Variants in RABGAP1L observed in about 807,000 individuals in gnomAD.
RABGAP1L encodes RAB GTPase activating protein 1 like.
A neutral mutation model predicts 137.7 loss-of-function variants in RABGAP1L; 63 were observed. That is an observed-to-expected ratio of 0.46 (90% CI 0.37 to 0.56). The LOEUF (loss-of-function observed/expected upper bound fraction) is 0.56, where lower values mean the gene tolerates loss of function less well. Among genes scored for constraint, RABGAP1L ranks in the 20% least tolerant of loss-of-function variants. RABGAP1L has a pLI of 0.00. For missense variants in RABGAP1L, 1,095 were observed against 1,244.0 expected, an observed-to-expected ratio of 0.88 and a Z score of 1.80; for synonymous variants, 431 against 433.7, an observed-to-expected ratio of 0.99 and a Z score of 0.08.
At chr1:174,872,186 T>A (rs1487627763) in intron 19 of RABGAP1L, among the ~76,000 whole-genome samples, 11 of 152,022 alleles carry the variant, frequency 7.2e-5, no homozygotes, top group Admixed American at 3.3e-4. Context: ...TTTCTGAGGT[T>A]TTGAATTTTC....
At chr1:174,655,615 AAT>A (rs1675909834) in intron 14 of RABGAP1L, among the ~76,000 whole-genome samples, 1 of 152,212 alleles carries the variant, frequency 6.6e-6, no homozygotes, top group Non-Finnish European at 1.5e-5. Flanking sequence ...TCCCCATTGT[AAT>A]TAATAGGTAT....
intron 21 of RABGAP1L, among the ~76,000 whole-genome samples, chr1:174,973,510 GA>G (rs1243748986): frequency 6.6e-6 from 1 of 150,736 alleles, no homozygotes; most frequent in African/African-American, 2.4e-5. Context: ...TCTGTCTCCT[GA>G]GTAGCTGGAA....
At chr1:174,637,137 C>T (rs555803717) in intron 13 of RABGAP1L, among the ~76,000 whole-genome samples, 2 of 151,938 alleles carry the variant, frequency 1.3e-5, no homozygotes, top group Non-Finnish European at 2.9e-5. Flanking sequence ...GCCCCTTCTC[C>T]CCATATAAAC....
intron 13 of RABGAP1L, among the ~76,000 whole-genome samples, chr1:174,430,804 A>G (rs1333345371): frequency 6.6e-6 from 1 of 152,202 alleles, no homozygotes; most frequent in East Asian, 1.9e-4. Flanking sequence ...TAAACTCATG[A>G]TTAAGATTTT....
At chr1:174,653,138 G>A (rs938698508) in intron 14 of RABGAP1L, among the ~76,000 whole-genome samples, 10 of 152,106 alleles carry the variant, frequency 6.6e-5, no homozygotes, top group African/African-American at 1.9e-4. Context: ...AATGGTGGAC[G>A]CCCCTCCCCC....
At chr1:174,174,022 C>T (rs1331159855) in intron 1 of RABGAP1L, among the ~76,000 whole-genome samples, 3 of 152,034 alleles carry the variant, frequency 2.0e-5, no homozygotes, top group African/African-American at 7.3e-5. Flanking sequence ...AAATAAAGCT[C>T]TTTAGGCTGT....
intron 18 of RABGAP1L, among the ~76,000 whole-genome samples, chr1:174,797,973 A>G (rs907811818): frequency 4.6e-5 from 7 of 151,814 alleles, no homozygotes; most frequent in East Asian, 1.9e-4. Flanking sequence ...GGGTTCCACT[A>G]TGTTGCCCAG....
At chr1:174,721,447 G>T (rs1424566782) in intron 17 of RABGAP1L, among the ~76,000 whole-genome samples, 2 of 152,144 alleles carry the variant, frequency 1.3e-5, no homozygotes, top group Non-Finnish European at 2.9e-5. Context: ...GAAAACCTTG[G>T]TGTGTTGATT....
intron 13 of RABGAP1L, among the ~76,000 whole-genome samples, chr1:174,570,945 T>C (rs1002387456): frequency 6.6e-6 from 1 of 152,118 alleles, no homozygotes; most frequent in African/African-American, 2.4e-5. Context: ...AGGAAATGAG[T>C]ATATGGAAGA....
At chr1:174,682,271 A>ACTCTCTCT (rs148219630) in intron 14 of RABGAP1L, among the ~76,000 whole-genome samples, 1 of 140,690 alleles carries the variant, frequency 7.1e-6, no homozygotes, top group Non-Finnish European at 1.5e-5. Flanking sequence ...ACAAAGCAAA[A>ACTCTCTCT]CTCTCTCTCT....
chr1:174,448,209 A>T lies in RABGAP1L; in HGVS notation c.1710+54064A>T, dbSNP rs1415815619. 7.4e-6 allele frequency: 12 copies of T among 1,614,022 alleles called. No individual in the cohort carries two copies. Among genetic ancestry groups the T allele is most frequent in the Non-Finnish European group, 1.0e-5 (12 of 1,179,946 alleles). ...CACTCCTGCCCACTTGGATTTGGCC[A>T]CTACAGTGTGGTGGATGTCTGCATC... On this transcript the variant is annotated intron_variant, in intron 13 of 25. Transcript: ENST00000681986. The surrounding 1 kb of genome is among the most constrained non-coding windows in gnomAD (Gnocchi z 4.2).
intron 19 of RABGAP1L, among the ~76,000 whole-genome samples, chr1:174,940,506 G>C (rs1389003623): frequency 6.6e-6 from 1 of 151,832 alleles, no homozygotes; most frequent in Non-Finnish European, 1.5e-5. Flanking sequence ...TTGAACTCTT[G>C]AGCTCAAGTG....
chr1:174,312,323 T>C (rs1335169673), intron 11 of RABGAP1L, among the ~76,000 whole-genome samples: 1 of 152,240 alleles, frequency 6.6e-6, no homozygotes, highest in Non-Finnish European at 1.5e-5. Context: ...AGTTTTGATT[T>C]GCATTTCCCT....
chr1:174,161,188 CAT>C (rs1336711234), intron 1 of RABGAP1L, among the ~76,000 whole-genome samples: 5 of 151,160 alleles, frequency 3.3e-5, no homozygotes, highest in Admixed American at 6.6e-5. Context: ...TATATTTTAA[CAT>C]ATTATGTAGC....
At chr1:174,723,357 G>A (rs1022139670) in intron 17 of RABGAP1L, among the ~76,000 whole-genome samples, 1 of 152,192 alleles carries the variant, frequency 6.6e-6, no homozygotes, top group African/African-American at 2.4e-5. Flanking sequence ...TTACAGGCAT[G>A]AGCCACTGTG....
At chr1:174,353,393 G>A (rs577823680) in intron 11 of RABGAP1L, among the ~76,000 whole-genome samples, 1 of 152,158 alleles carries the variant, frequency 6.6e-6, no homozygotes, top group South Asian at 2.1e-4. Flanking sequence ...CACTCCCTTG[G>A]CTGCCCTACC....
chr1:174,918,228 T>TTA (rs10649200), intron 19 of RABGAP1L, among the ~76,000 whole-genome samples: 55,005 of 151,880 alleles, frequency 0.36, 12,891 homozygotes, highest in African/African-American at 0.67. Flanking sequence ...TGGGCTGACC[T>TTA]GTTTCCTCAG....
At chr1:174,738,016 T>C (rs546903578) in intron 17 of RABGAP1L, among the ~76,000 whole-genome samples, 2 of 152,136 alleles carry the variant, frequency 1.3e-5, no homozygotes, top group African/African-American at 2.4e-5. Context: ...CCCTTCAATG[T>C]TGGGGATAAC....
At chr1:174,712,246 G>A (rs332785) in intron 17 of RABGAP1L, among the ~76,000 whole-genome samples, 20,722 of 152,114 alleles carry the variant, frequency 0.14, 4,717 homozygotes, top group African/African-American at 0.47. Context: ...GTCACCTTCC[G>A]GACTGTGGAA....
Sources: gnomAD v4.1 joint callset for allele counts (sites outside exome capture counted in the v4.1 genomes callset) on GRCh38, gnomAD v4.1.1 for gene constraint, Gnocchi (gnomAD v3.1) non-coding constraint, MANE v1.5 for transcripts, NCBI Gene and HGNC (gene_info 2026-07-23, HGNC 2026-07-21) for gene names.